Variants in ALKBH2 observed in about 807,000 individuals in gnomAD.
ALKBH2 encodes the protein alkB homolog 2, alpha-ketoglutarate dependent dioxygenase.
Under a neutral mutation model 19.7 loss-of-function variants are expected in ALKBH2, and 19 were observed. That is an observed-to-expected ratio of 0.97 (90% CI 0.67 to 1.42). The LOEUF (loss-of-function observed/expected upper bound fraction) is 1.42. Among genes scored for constraint, ALKBH2 ranks in the 40% most tolerant of loss-of-function variants. The pLI is 0.00. For missense variants in ALKBH2, 310 were observed against 328.5 expected, an observed-to-expected ratio of 0.94 and a Z score of 0.43; for synonymous variants, 135 against 131.2, an observed-to-expected ratio of 1.03 and a Z score of -0.20.
chr12:109,090,271 C>CG, intron 2 of ALKBH2, 64 bp from the exon 3 acceptor site: 5 of 1,469,742 alleles, frequency 3.4e-6, no homozygotes, highest in Non-Finnish European at 2.8e-6. Flanking sequence ...CAGATGCCCC[C>CG]CCCAACCCGC....
chr12:109,089,743 T>C, intron 3 of ALKBH2: 1 of 464,206 alleles, frequency 2.2e-6, no homozygotes, highest in East Asian at 4.1e-5. Flanking sequence ...AGAAAAACCC[T>C]GTCTCAAAAA....
chr12:109,092,738 G>A lies in ALKBH2; in HGVS notation c.49C>T (p.Gln17Ter), dbSNP rs776199595. The A allele has an allele frequency of 6.2e-7, 1 of 1,613,934 alleles. No homozygotes were observed. The highest frequency in any genetic ancestry group is 1.7e-5 in the Admixed American group (1 of 60,006). Reference sequence around the variant, plus strand: ...TCTCCAGTTGGCTCTTGCTCCTCCTGCTTCCTCAAAAGGCCCCCTTGAGCC... The same window carrying A: ...TCTCCAGTTGGCTCTTGCTCCTCCTACTTCCTCAAAAGGCCCCCTTGAGCC... ...KGAQGGLLRK[Q>*]EEQEPTGEEP... is the part of the protein sequence containing the mutation. Residue 17 changes from glutamine (Q) to a stop codon, truncating the protein, a stop_gained, in exon 2 of 4, where the codon CAG becomes TAG. Coordinates refer to ENST00000429722, the MANE Select transcript of ALKBH2 (RefSeq NM_001145374.2). LOFTEE classifies it high-confidence loss of function.
In ALKBH2 at chr12:109,092,859, G is replaced by A; in HGVS notation, c.-73C>T. ...AAATTGCTCAAGTTCTATCCCCAGT[G>A]CAAAAATCTGTTTGTCCAAGGGGTC... On this transcript the variant is annotated 5_prime_UTR_variant, in exon 2 of 4. Coordinates refer to ENST00000429722, the MANE Select transcript of ALKBH2 (RefSeq NM_001145374.2). 2 of 1,521,812 alleles carry A rather than the reference G, an allele frequency of 1.3e-6. No homozygotes were observed. The highest frequency in any genetic ancestry group is 1.3e-5 in the South Asian group (1 of 75,598). 94.3% of individuals were successfully genotyped at this position (1,521,812 alleles called of 1,614,324 possible). A position where few individuals can be genotyped will look rare whatever the true frequency, so the allele number is the denominator to read the frequency against.
Position 109,090,209 on chromosome 12 carries a change from T to C in ALKBH2, c.281-2A>G, listed in dbSNP as rs1029267769. The C allele has an allele frequency of 5.0e-6, 8 of 1,612,740 alleles. No individual in the cohort carries two copies. In the African/African-American group the frequency reaches 6.7e-5, roughly 13 times the overall value. ...ATACCTGGACTCTGGCCAGTGCTCC[T>C]GTGCAGAGGAAACATGGCAGTTCCT... On this transcript the variant is annotated splice_acceptor_variant, in intron 2 of 3. Coordinates refer to ENST00000429722, the MANE Select transcript of ALKBH2 (RefSeq NM_001145374.2). LOFTEE classifies it high-confidence loss of function.
At chr12:109,092,978 T>C in intron 1 of ALKBH2, 41 bp from the exon 2 acceptor site, 1 of 1,388,816 alleles carries the variant, frequency 7.2e-7, no homozygotes, top group Non-Finnish European at 9.3e-7. Context: ...GAAGGGACCC[T>C]AGGGACAATC....
At chr12:109,092,387 T>C in intron 2 of ALKBH2, 120 bp downstream of exon 2, 2 of 1,367,222 alleles carry the variant, frequency 1.5e-6, no homozygotes, top group Admixed American at 6.1e-5. Context: ...GATGAATCCA[T>C]TAGTGAACCC....
At chr12:109,090,559 C>G (rs1485904019) in intron 2 of ALKBH2, among the ~76,000 whole-genome samples, 1 of 152,162 alleles carries the variant, frequency 6.6e-6, no homozygotes, top group Non-Finnish European at 1.5e-5. Context: ...TCCTGAATAG[C>G]TGGGACCACA....
Position 109,092,842 on chromosome 12 carries a change from C to T in ALKBH2, c.-56G>A. The T allele has an allele frequency of 1.9e-6, 3 of 1,548,038 alleles. No homozygotes were observed. The highest frequency in any genetic ancestry group is 2.6e-6 in the Non-Finnish European group (3 of 1,151,354). On this transcript the variant is annotated 5_prime_UTR_variant, in exon 2 of 4. Coordinates refer to ENST00000429722, the MANE Select transcript of ALKBH2 (RefSeq NM_001145374.2). The stretch of plus-strand genomic sequence containing the variant: ...TGGCGAGGCCAAGACAGAAATTGCT[C>T]AAGTTCTATCCCCAGTGCAAAAATC...
rs1425485090 is a variant in ALKBH2 at position 109,092,276 on chromosome 12, G to C, written c.280+231C>G. On this transcript the variant is annotated intron_variant, in intron 2 of 3. Transcript: ENST00000429722. ...TCAGTAGCCAAGGAGAGATTCACTC[G>C]AGTCATCTGTCAGCTCCTAGTAGAC... The C allele has an allele frequency of 9.9e-6, 5 of 506,490 alleles. No individual in the cohort carries two copies. The African/African-American group carries it at 9.9e-5, about 10-fold the overall frequency. The allele number at this position is 506,490 out of a possible 1,614,324, so 31.4% of individuals were successfully genotyped here.
chr12:109,090,155 C>G lies in ALKBH2; in HGVS notation c.333G>C (p.Lys111Asn), dbSNP rs762351554. ...VFGKWHSVPR[K>N]QATYGDAGLT... ...GCCCAGCGTCGCCATACGTTGCCTG[C>G]TTCCTGGGCACACTGTGCCACTTCC... The change falls in exon 3 of 4, where the codon AAG (lysine) becomes AAC (asparagine). Residue 111 changes from lysine (K) to asparagine (N), a missense_variant. By Grantham distance (94) the Lys-to-Asn change is moderately conservative. Transcript: ENST00000429722. 1 of 1,614,036 alleles carries G rather than the reference C, an allele frequency of 6.2e-7. No individual in the cohort carries two copies. The highest frequency in any genetic ancestry group is 8.5e-7 in the Non-Finnish European group (1 of 1,180,050).
At chr12:109,089,435 T>C (rs2042024535) in intron 3 of ALKBH2, among the ~76,000 whole-genome samples, 1 of 152,092 alleles carries the variant, frequency 6.6e-6, no homozygotes, top group African/African-American at 2.4e-5. Flanking sequence ...TGCAATCTAG[T>C]GGATGGAGGC....
At position 109,093,457 on chromosome 12, in the gene ALKBH2, T is replaced by C. The variant is rs1055708035; in HGVS notation, c.-362A>G. ...GAATCCCGCAGTCACCCTGGTGGCC[T>C]CGTGGTGGGAAAGACGCGCCCCAGC... is the stretch of plus-strand genomic sequence containing the variant. On this transcript the variant is annotated 5_prime_UTR_variant, in exon 1 of 4. Transcript: ENST00000429722. 1.3e-5 allele frequency: 2 copies of C among 152,278 alleles called. No individual in the cohort carries two copies. The highest frequency in any genetic ancestry group is 2.9e-5 in the Non-Finnish European group (2 of 68,074). 9.4% of individuals were successfully genotyped at this position (152,278 alleles called of 1,614,324 possible). A position where few individuals can be genotyped will look rare whatever the true frequency, so the allele number is the denominator to read the frequency against.
intron 2 of ALKBH2, 54 bp from the exon 3 acceptor site, chr12:109,090,261 C>T: frequency 6.5e-7 from 1 of 1,544,224 alleles, no homozygotes; most frequent in Non-Finnish European, 8.8e-7. Flanking sequence ...TCTAGAAATC[C>T]AGATGCCCCC....
At chr12:109,092,473 G>GCACACA (rs61358885) in intron 2 of ALKBH2, 34 bp downstream of exon 2, 18,061 of 1,362,448 alleles carry the variant, frequency 0.013, 46 homozygotes, top group Non-Finnish European at 0.014. Flanking sequence ...AGCCCTCAAT[G>GCACACA]CACACACACA....
intron 1 of ALKBH2, 123 bp from the exon 2 acceptor site, chr12:109,093,060 C>T: frequency 3.5e-6 from 2 of 573,604 alleles, no homozygotes; most frequent in Non-Finnish European, 5.1e-6. Context: ...CAGAGGTCTG[C>T]ACTCCACGCC....
Position 109,092,812 on chromosome 12 carries a change from G to A in ALKBH2, c.-26C>T, listed in dbSNP as rs377146499. On this transcript the variant is annotated 5_prime_UTR_variant, in exon 2 of 4. It adds an upstream start codon to the 5' untranslated region. Coordinates refer to ENST00000429722, the MANE Select transcript of ALKBH2 (RefSeq NM_001145374.2). ...CCTGTCCCCACAGGAAAGAAGGGAC[G>A]TCAGTGGCGAGGCCAAGACAGAAAT... is the stretch of plus-strand genomic sequence containing the variant. The A allele has an allele frequency of 4.4e-6, 7 of 1,582,314 alleles. No individual in the cohort carries two copies. Among genetic ancestry groups the A allele is most frequent in the South Asian group, 1.2e-5 (1 of 86,220 alleles).
At chr12:109,093,002 C>G in intron 1 of ALKBH2, 65 bp from the exon 2 acceptor site, 1 of 1,242,532 alleles carries the variant, frequency 8.0e-7, no homozygotes, top group East Asian at 3.0e-5. Flanking sequence ...TCCAGGGTCT[C>G]CCACGTCCAC....
chr12:109,091,986 G>C (rs1393375414), intron 2 of ALKBH2, among the ~76,000 whole-genome samples: 1 of 152,216 alleles, frequency 6.6e-6, no homozygotes, highest in African/African-American at 2.4e-5. Context: ...CACAGGGGTA[G>C]GGTCCAGCAA....
In ALKBH2 at chr12:109,092,510, T is replaced by G. The variant is rs752173906; in HGVS notation, c.277A>C (p.Thr93Pro). The change falls in exon 2 of 4, where the codon ACA becomes CCA. Residue 93 changes from threonine to proline, a missense_variant. Physicochemically the swap from Thr to Pro is conservative, Grantham distance 38 (BLOSUM62 -1). Coordinates refer to ENST00000429722, the MANE Select transcript of ALKBH2 (RefSeq NM_001145374.2). ...ACACACACACCCCTCTGCTTACCTG[T>G]AAAATATTCTACTTCTTTCTCCAAC... The part of the protein sequence containing the change: ...QELEKEVEYF[T>P]GALARVQVFG... 1.5e-5 allele frequency: 23 copies of G among 1,574,334 alleles called. No homozygotes were observed. The highest frequency in any genetic ancestry group is 1.9e-5 in the Non-Finnish European group (22 of 1,158,362).
Sources: gnomAD v4.1 joint callset for allele counts (sites outside exome capture counted in the v4.1 genomes callset) on GRCh38, gnomAD v4.1.1 for gene constraint, MANE v1.5 for transcripts, NCBI Gene and HGNC (gene_info 2026-07-23, HGNC 2026-07-21) for gene names.